RDH13: variants seen among roughly 807,000 people sequenced by gnomAD.
RDH13 encodes retinol dehydrogenase 13 (all-trans and 9-cis).
RDH13 carries 35 observed loss-of-function variants against 28.3 expected under a neutral mutation model. The ratio of observed to expected loss-of-function variants is 1.24; its 90% confidence interval spans 0.95 to 1.64. The LOEUF is 1.64. Ranked by LOEUF, RDH13 falls within the 40% of genes most tolerant of loss-of-function variation. RDH13 has a pLI of 0.00. For synonymous variants in RDH13, 229 were observed against 198.5 expected, an observed-to-expected ratio of 1.15 and a Z score of -1.29; for missense variants, 514 against 446.3, an observed-to-expected ratio of 1.15 and a Z score of -1.37.
chr19:55,048,525 T>G lies in RDH13; in HGVS notation c.462A>C (p.Thr154=). The G allele has an allele frequency of 6.2e-7, 1 of 1,614,194 alleles. No homozygotes were observed. The highest frequency in any genetic ancestry group is 8.5e-7 in the Non-Finnish European group (1 of 1,180,040). ...GVNHLGHFLL[T]NLLLDKLKAS... ...CTTTCAGCTTGTCCAGCAGCAAGTT[T>G]GTCAAGAGAAAGTGACCTGGATTAA... Residue 154 remains threonine, a synonymous_variant, in exon 5 of 7, where the codon ACA becomes ACC. Coordinates refer to ENST00000415061, the MANE Select transcript of RDH13 (RefSeq NM_001145971.2).
In RDH13 at chr19:55,061,513, C is replaced by T. The variant is rs180853296; in HGVS notation, c.65+1455G>A. ...ACCCTATAAGACTACAAGGCAGGAC[C>T]GGCACAGTGCCTCACACCTGTAATC... On this transcript the variant is annotated intron_variant, in intron 1 of 6. Transcript: ENST00000415061. 1.1e-4 allele frequency among the ~76,000 whole-genome samples: 16 copies of T among 152,030 alleles called. No homozygotes were observed. In the East Asian group the frequency reaches 1.8e-3, roughly 17 times the overall value.
intron 3 of RDH13, among the ~76,000 whole-genome samples, chr19:55,050,124 T>G (rs560804377): frequency 0.023 from 3,394 of 145,320 alleles, 125 homozygotes; most frequent in African/African-American, 0.079. Flanking sequence ...TTTTTTTTTT[T>G]TGGGGGGGGG....
chr19:55,065,669 G>A (rs1460461020), upstream of RDH13, among the ~76,000 whole-genome samples: 1 of 151,674 alleles, frequency 6.6e-6, no homozygotes, highest in Non-Finnish European at 1.5e-5. Flanking sequence ...AAACAAGTGA[G>A]CACAGCTGTG....
chr19:55,066,538 C>G (rs186044493), upstream of RDH13, among the ~76,000 whole-genome samples: 6 of 72,588 alleles, frequency 8.3e-5, no homozygotes, highest in East Asian at 2.2e-3. Context: ...CTTCCTTTCT[C>G]TTTCCTCTCT....
rs1009501746 is a variant in RDH13, at chr19:55,048,532, A to G, written c.455T>C (p.Leu152Pro). 2.5e-6 allele frequency: 4 copies of G among 1,614,072 alleles called. No homozygotes were observed. Among genetic ancestry groups the G allele is most frequent in the Non-Finnish European group, 3.4e-6 (4 of 1,180,040 alleles). Reference sequence around the variant, plus strand: ...CTTGTCCAGCAGCAAGTTTGTCAAGAGAAAGTGACCTGGATTAAGGATGAT... The same window carrying G: ...CTTGTCCAGCAGCAAGTTTGTCAAGGGAAAGTGACCTGGATTAAGGATGAT... Reference protein sequence around the residue: ...QFGVNHLGHFLLTNLLLDKLK... With the variant: ...QFGVNHLGHFPLTNLLLDKLK... The change falls in exon 5 of 7, where the codon CTC becomes CCC. Residue 152 changes from leucine to proline, a missense_variant. Coordinates refer to ENST00000415061, the MANE Select transcript of RDH13 (RefSeq NM_001145971.2).
Position 55,049,789 on chromosome 19 carries a change from C to CAAA in RDH13, c.341-1029_341-1027dup, listed in dbSNP as rs71181733. Among the ~76,000 whole-genome samples the CAAA allele has an allele frequency of 7.9e-4, 100 of 126,474 alleles. 1 individual carries two copies. Among genetic ancestry groups the CAAA allele is most frequent in the East Asian group, 2.1e-3 (9 of 4,276 alleles). The allele number at this position is 126,474 out of a possible 152,430, so 83.0% of individuals were successfully genotyped here. On this transcript the variant is annotated intron_variant, in intron 3 of 6. Coordinates refer to ENST00000415061, the MANE Select transcript of RDH13 (RefSeq NM_001145971.2). ...GGGCAATAAAAGCAAAACTCCATCT[C>CAAA]AAAAAAAAAAAAAAAAATCACAGTC...
downstream of RDH13, chr19:55,043,977 C>G (rs904522812): frequency 6.6e-6 from 1 of 150,748 alleles, no homozygotes; most frequent in African/African-American, 2.4e-5. Context: ...AGGGCAGTGG[C>G]ATGATCTCGG....
At chr19:55,053,319 G>A (rs1272987643) in intron 3 of RDH13, among the ~76,000 whole-genome samples, 4 of 151,264 alleles carry the variant, frequency 2.6e-5, no homozygotes, top group African/African-American at 4.8e-5. Context: ...CCAAGAAGCT[G>A]GTACTTGATT....
intron 2 of RDH13, among the ~76,000 whole-genome samples, chr19:55,057,242 G>A (rs769391841): frequency 6.6e-6 from 1 of 152,188 alleles, no homozygotes; most frequent in Admixed American, 6.6e-5. Context: ...GGGGTGGGGA[G>A]AGGGAATTAC....
chr19:55,040,168 T>C (rs570724104), downstream of RDH13: 40 of 152,304 alleles, frequency 2.6e-4, no homozygotes, highest in African/African-American at 9.4e-4. Flanking sequence ...TTTTGTTTTT[T>C]GGTTTTTTGA....
chr19:55,050,727 TG>T (rs1432017739), intron 3 of RDH13: 1 of 152,188 alleles, frequency 6.6e-6, no homozygotes, highest in Non-Finnish European at 1.5e-5. Flanking sequence ...TGCTGAGGGA[TG>T]GGGGTTCAGG....
chr19:55,044,834 C>T lies in RDH13; in HGVS notation c.*240G>A. 2.1e-6 allele frequency: 1 copy of T among 470,650 alleles called. No homozygotes were observed. The highest frequency in any genetic ancestry group is 5.6e-4 in the Middle Eastern group (1 of 1,794). 29.2% of individuals were successfully genotyped at this position (470,650 alleles called of 1,614,324 possible). A position where few individuals can be genotyped will look rare whatever the true frequency, so the allele number is the denominator to read the frequency against. The stretch of plus-strand genomic sequence containing the variant: ...TCCCAGTTTAGATTCCCAGGGGAAG[C>T]ATCAGATGGCCCCTCTCCCCTGCTG... On this transcript the variant is annotated 3_prime_UTR_variant, in exon 7 of 7. Transcript: ENST00000415061.
chr19:55,039,156 C>T (rs999875359), exon 3 of RDH13: 29 of 152,218 alleles, frequency 1.9e-4, no homozygotes, highest in Admixed American at 1.6e-3. Context: ...AAAGGTGAAA[C>T]CACCCACATG....
downstream of RDH13, among the ~76,000 whole-genome samples, chr19:55,043,775 G>A (rs1374694674): frequency 2.0e-5 from 3 of 152,064 alleles, no homozygotes; most frequent in African/African-American, 4.8e-5. Flanking sequence ...TGCCTCCTTC[G>A]GTTCTGCACC....
chr19:55,052,537 C>T (rs1427511617), intron 3 of RDH13, among the ~76,000 whole-genome samples: 1 of 141,770 alleles, frequency 7.1e-6, no homozygotes, highest in Non-Finnish European at 1.5e-5. Context: ...AGCAAAACTC[C>T]GTCTTAAAAA....
At chr19:55,054,536 A>G (rs189084421) in intron 3 of RDH13, among the ~76,000 whole-genome samples, 49 of 152,240 alleles carry the variant, frequency 3.2e-4, no homozygotes, top group African/African-American at 1.2e-3. Flanking sequence ...CAGTGAGCCA[A>G]GATCGCATCA....
intron 1 of RDH13, among the ~76,000 whole-genome samples, chr19:55,059,586 T>TGGGGGGGGCAAATTTTGGGGGGG (rs2075747942): frequency 1.3e-5 from 1 of 79,242 alleles, no homozygotes; most frequent in Non-Finnish European, 2.4e-5. Context: ...GTTTTGGGGG[T>TGGGGGGGGCAAATTTTGGGGGGG]GGGGGGGGGC....
upstream of RDH13, among the ~76,000 whole-genome samples, chr19:55,066,722 TGTG>T (rs2075970356): frequency 6.6e-6 from 1 of 151,556 alleles, no homozygotes; most frequent in Non-Finnish European, 1.5e-5. Context: ...TCTTCTTGTG[TGTG>T]TCTCTCTCTC....
downstream of RDH13, among the ~76,000 whole-genome samples, chr19:55,040,001 G>A (rs748611502): frequency 1.3e-5 from 2 of 152,150 alleles, no homozygotes; most frequent in Non-Finnish European, 2.9e-5. Flanking sequence ...ATAGAGACAG[G>A]GATTAGAATG....
Sources: gnomAD v4.1 joint callset for allele counts (sites outside exome capture counted in the v4.1 genomes callset) on GRCh38, gnomAD v4.1.1 for gene constraint, MANE v1.5 for transcripts, NCBI Gene and HGNC (gene_info 2026-07-23, HGNC 2026-07-21) for gene names.